The following HS6ST3 variants were observed in gnomAD, a reference collection of about 807,000 sequenced individuals.
The protein encoded by HS6ST3 is heparan sulfate 6-O-sulfotransferase 3, also known as heparan-sulfate 6-O-sulfotransferase 3.
Under a neutral mutation model 36.7 loss-of-function variants are expected in HS6ST3, and 12 were observed. The observed-to-expected ratio is 0.33, with a 90% CI of 0.21 to 0.53. The LOEUF is 0.53. Among genes scored for constraint, HS6ST3 ranks in the 20% least tolerant of loss-of-function variants. The pLI is 0.95. For missense variants in HS6ST3, 584 were observed against 640.9 expected, an observed-to-expected ratio of 0.91 and a Z score of 0.96; for synonymous variants, 240 against 257.5, an observed-to-expected ratio of 0.93 and a Z score of 0.65.
At chr13:96,386,213 TGACGTGG>T (rs2055367217) in intron 1 of HS6ST3, among the ~76,000 whole-genome samples, 1 of 152,224 alleles carries the variant, frequency 6.6e-6, no homozygotes, top group African/African-American at 2.4e-5. Context: ...AAATAAATAT[TGACGTGG>T]CAGGAAGTCA....
chr13:96,319,634 C>G (rs1424948594), intron 1 of HS6ST3, among the ~76,000 whole-genome samples: 1 of 152,150 alleles, frequency 6.6e-6, no homozygotes, highest in Non-Finnish European at 1.5e-5. Flanking sequence ...GTTCCAATTG[C>G]TCCATGTCCT....
chr13:96,812,532 T>A (rs1208170676), intron 1 of HS6ST3, among the ~76,000 whole-genome samples: 1 of 152,168 alleles, frequency 6.6e-6, no homozygotes, highest in Non-Finnish European at 1.5e-5. Context: ...AAGTTGACTC[T>A]TAAAATAACC....
chr13:96,324,636 G>A (rs2055021389), intron 1 of HS6ST3, among the ~76,000 whole-genome samples: 1 of 152,220 alleles, frequency 6.6e-6, no homozygotes, highest in African/African-American at 2.4e-5. Flanking sequence ...AGATTAAGAT[G>A]AGGTCATTGG....
intron 1 of HS6ST3, among the ~76,000 whole-genome samples, chr13:96,163,894 AT>A (rs1286777279): frequency 1.3e-5 from 2 of 152,172 alleles, no homozygotes; most frequent in Non-Finnish European, 2.9e-5. Flanking sequence ...GACTTTAGAT[AT>A]ATTACTCATG....
chr13:96,532,757 C>G (rs1371365329), intron 1 of HS6ST3, among the ~76,000 whole-genome samples: 2 of 152,084 alleles, frequency 1.3e-5, no homozygotes, highest in Non-Finnish European at 2.9e-5. Flanking sequence ...CAAAAAATTA[C>G]TGAAAGCATG....
At chr13:96,539,989 G>A (rs913481403) in intron 1 of HS6ST3, among the ~76,000 whole-genome samples, 2 of 152,230 alleles carry the variant, frequency 1.3e-5, no homozygotes, top group Non-Finnish European at 2.9e-5. Flanking sequence ...TCTTCCTGAT[G>A]AGTGACAAGA....
intron 1 of HS6ST3, among the ~76,000 whole-genome samples, chr13:96,159,199 C>A (rs547757615): frequency 1.3e-5 from 2 of 152,158 alleles, no homozygotes; most frequent in East Asian, 3.9e-4. Context: ...AAGCAGGACA[C>A]GTTTCCCTCC....
At chr13:96,529,078 T>G (rs546226241) in intron 1 of HS6ST3, among the ~76,000 whole-genome samples, 102 of 152,258 alleles carry the variant, frequency 6.7e-4, no homozygotes, top group Non-Finnish European at 1.3e-3. Flanking sequence ...TCAAATACAG[T>G]AGATATCAGC....
chr13:96,699,898 A>C (rs1875239753), intron 1 of HS6ST3, among the ~76,000 whole-genome samples: 1 of 152,232 alleles, frequency 6.6e-6, no homozygotes, highest in Non-Finnish European at 1.5e-5. Flanking sequence ...ACAAAATACA[A>C]AATACCACAT....
intron 1 of HS6ST3, among the ~76,000 whole-genome samples, chr13:96,585,131 A>T (rs1207186838): frequency 2.6e-5 from 4 of 152,184 alleles, no homozygotes; most frequent in African/African-American, 9.7e-5. Context: ...TTGTTGTACT[A>T]TATTACTAAT....
rs145278448 is a variant in HS6ST3, at chr13:96,466,482, C to T, written c.708-366008C>T. ...CCACCCCTTCAATTTTCTGCTTCTA[C>T]GAGTTTGACTCCTTTGGTTCCACAT... On this transcript the variant is annotated intron_variant, in intron 1 of 1. Coordinates refer to ENST00000376705, the MANE Select transcript of HS6ST3 (RefSeq NM_153456.4). Among the ~76,000 whole-genome samples the T allele has an allele frequency of 2.0e-4, 30 of 152,242 alleles. 1 individual carries two copies. In the East Asian group the frequency reaches 4.8e-3, roughly 25 times the overall value.
intron 1 of HS6ST3, among the ~76,000 whole-genome samples, chr13:96,713,733 A>C (rs1266041476): frequency 6.6e-6 from 1 of 152,176 alleles, no homozygotes; most frequent in Admixed American, 6.5e-5. Context: ...AAAGAGAAAT[A>C]AGTTCTTTAT....
intron 1 of HS6ST3, among the ~76,000 whole-genome samples, chr13:96,469,079 C>T (rs1373661147): frequency 1.3e-5 from 2 of 151,958 alleles, no homozygotes; most frequent in Non-Finnish European, 2.9e-5. Context: ...TTTTTTCTCC[C>T]TCATAAAATT....
chr13:96,503,807 C>A (rs1370636716), intron 1 of HS6ST3, among the ~76,000 whole-genome samples: 1 of 152,182 alleles, frequency 6.6e-6, no homozygotes, highest in African/African-American at 2.4e-5. Flanking sequence ...GCAGCCATAG[C>A]AAAACACCAT....
At chr13:96,740,055 C>G (rs1484249887) in intron 1 of HS6ST3, among the ~76,000 whole-genome samples, 1 of 152,146 alleles carries the variant, frequency 6.6e-6, no homozygotes, top group African/African-American at 2.4e-5. Flanking sequence ...TCTTCAGCCT[C>G]TCAAGACTCC....
intron 1 of HS6ST3, among the ~76,000 whole-genome samples, chr13:96,192,742 A>G (rs531825074): frequency 6.6e-6 from 1 of 152,180 alleles, no homozygotes; most frequent in Admixed American, 6.5e-5. Context: ...TCTTTTTCAT[A>G]TAAAGGTTTA....
At chr13:96,515,787 CTG>C (rs1347786760) in intron 1 of HS6ST3, among the ~76,000 whole-genome samples, 1 of 152,162 alleles carries the variant, frequency 6.6e-6, no homozygotes, top group Non-Finnish European at 1.5e-5. Flanking sequence ...CCATGCAGAA[CTG>C]TGAGTTAATT....
chr13:96,209,852 G>C (rs144322051), intron 1 of HS6ST3, among the ~76,000 whole-genome samples: 1,746 of 152,154 alleles, frequency 0.011, 36 homozygotes, highest in African/African-American at 0.04. Context: ...TATCCAGTAG[G>C]GGTGACCATA....
At chr13:96,778,444 C>G (rs576429109) in intron 1 of HS6ST3, among the ~76,000 whole-genome samples, 17 of 152,242 alleles carry the variant, frequency 1.1e-4, no homozygotes, top group East Asian at 5.8e-4. Flanking sequence ...GGGTTAATAT[C>G]TGGAATCTAC....
Sources: allele counts gnomAD v4.1 joint callset (sites outside exome capture counted in the v4.1 genomes callset), GRCh38; gene constraint gnomAD v4.1.1; transcripts MANE v1.5; gene names NCBI Gene and HGNC (gene_info 2026-07-23, HGNC 2026-07-21).